Variants in DOCK4 observed in about 807,000 individuals in gnomAD.
The protein encoded by DOCK4 is dedicator of cytokinesis protein 4.
DOCK4 carries 97 observed loss-of-function variants against 268.1 expected under a neutral mutation model. That is an observed-to-expected ratio of 0.36 (90% CI 0.31 to 0.43). DOCK4 has a LOEUF of 0.43. Ranked by LOEUF, DOCK4 falls within the 20% of genes least tolerant of loss-of-function variation. The probability of loss-of-function intolerance (pLI) is 1.00; values close to 1 mark genes in which losing one functional copy is unlikely to be tolerated. For missense variants in DOCK4, 2,145 were observed against 2,455.7 expected (o/e 0.87, Z 2.67); for synonymous variants, 954 against 887.2 (o/e 1.08, Z -1.34).
intron 16 of DOCK4, among the ~76,000 whole-genome samples, chr7:111,886,669 G>C (rs929973271): frequency 6.6e-6 from 1 of 152,128 alleles, no homozygotes; most frequent in Admixed American, 6.5e-5. Context: ...AAAAACACAC[G>C]TATGAGACTA....
intron 1 of DOCK4, among the ~76,000 whole-genome samples, chr7:112,110,874 T>TC (rs759604884): frequency 5.9e-5 from 9 of 152,106 alleles, no homozygotes; most frequent in Non-Finnish European, 1.0e-4. Flanking sequence ...GCAACTCCGC[T>TC]CCCCACGGAA....
chr7:112,184,642 C>T (rs971397421), intron 1 of DOCK4, among the ~76,000 whole-genome samples: 1 of 152,004 alleles, frequency 6.6e-6, no homozygotes, highest in African/African-American at 2.4e-5. Context: ...GCTGGTGACT[C>T]CTTCCTGACA....
At chr7:112,175,689 GAATA>G (rs1818450515) in intron 1 of DOCK4, among the ~76,000 whole-genome samples, 1 of 151,772 alleles carries the variant, frequency 6.6e-6, no homozygotes, top group Non-Finnish European at 1.5e-5. Context: ...ATGATTATAA[GAATA>G]AAAATGTTTT....
chr7:111,814,128 C>T (rs189816955), intron 27 of DOCK4, among the ~76,000 whole-genome samples: 11 of 152,264 alleles, frequency 7.2e-5, no homozygotes, highest in African/African-American at 1.9e-4. Flanking sequence ...TAGACTATCA[C>T]GCCAAATGTC....
intron 51 of DOCK4, among the ~76,000 whole-genome samples, 152 bp downstream of exon 51, chr7:111,734,902 G>A (rs978354902): frequency 6.6e-6 from 1 of 152,210 alleles, no homozygotes; most frequent in Non-Finnish European, 1.5e-5. Context: ...GTTCAGGAAA[G>A]AGGGAGACAA....
chr7:112,022,543 G>A (rs887177065), intron 1 of DOCK4, among the ~76,000 whole-genome samples: 4 of 152,146 alleles, frequency 2.6e-5, no homozygotes, highest in Non-Finnish European at 5.9e-5. Context: ...TATTAACGAC[G>A]TGAGCCCAGC....
At chr7:111,961,626 T>G (rs17452718) in intron 8 of DOCK4, among the ~76,000 whole-genome samples, 18,518 of 152,250 alleles carry the variant, frequency 0.12, 1,185 homozygotes, top group Middle Eastern at 0.18. Context: ...TTATTAATCT[T>G]CTAAAAGCTG....
chr7:112,066,591 CAT>C (rs1160066064), intron 1 of DOCK4, among the ~76,000 whole-genome samples: 1 of 127,226 alleles, frequency 7.9e-6, no homozygotes, highest in Non-Finnish European at 1.5e-5. Context: ...TATATATACA[CAT>C]ATACATATAT....
intron 1 of DOCK4, among the ~76,000 whole-genome samples, chr7:112,197,370 G>A (rs576310660): frequency 4.0e-5 from 6 of 150,898 alleles, no homozygotes; most frequent in African/African-American, 7.3e-5. Context: ...AGATGGGTGC[G>A]TGTTCTTAAA....
At chr7:111,740,760 A>AAAAAAAAAAAT in intron 47 of DOCK4, among the ~76,000 whole-genome samples, 1 of 137,958 alleles carries the variant, frequency 7.2e-6, no homozygotes. Flanking sequence ...AAAAAAAAAA[A>AAAAAAAAAAAT]GGCAAGCTAA....
At chr7:111,904,844 T>C (rs1242157140) in intron 13 of DOCK4, among the ~76,000 whole-genome samples, 2 of 152,174 alleles carry the variant, frequency 1.3e-5, no homozygotes, top group Non-Finnish European at 2.9e-5. Flanking sequence ...TTTGTTATAT[T>C]ATGCTGTTTC....
intron 23 of DOCK4, among the ~76,000 whole-genome samples, chr7:111,858,124 C>G (rs1424050065): frequency 6.6e-6 from 1 of 152,136 alleles, no homozygotes; most frequent in East Asian, 1.9e-4. Flanking sequence ...GCCCAGAGAC[C>G]CTTAATGCAA....
At chr7:111,792,619 G>A (rs1431638662) in intron 30 of DOCK4, among the ~76,000 whole-genome samples, 4 of 152,270 alleles carry the variant, frequency 2.6e-5, no homozygotes, top group Admixed American at 1.3e-4. Flanking sequence ...CTGACCTCAG[G>A]TGATCCACCC....
At chr7:112,128,695 T>C (rs539636704) in intron 1 of DOCK4, among the ~76,000 whole-genome samples, 2,446 of 152,226 alleles carry the variant, frequency 0.016, 25 homozygotes, top group Non-Finnish European at 0.023. Context: ...ATGTGCTTTG[T>C]TAAACAGATG....
chr7:111,746,480 G>T (rs1796275274), intron 43 of DOCK4, 63 bp from the exon 44 acceptor site: 1 of 1,333,934 alleles, frequency 7.5e-7, no homozygotes, highest in Non-Finnish European at 1.1e-6. Flanking sequence ...AAGACAAGTT[G>T]TTTTTAAAGA....
At chr7:112,149,778 A>T (rs1340325901) in intron 1 of DOCK4, among the ~76,000 whole-genome samples, 3 of 152,240 alleles carry the variant, frequency 2.0e-5, no homozygotes, top group Non-Finnish European at 4.4e-5. Flanking sequence ...ATGAGCTTCC[A>T]GGCCAAAGCA....
chr7:111,796,787 A>G (rs1381129535), intron 30 of DOCK4, among the ~76,000 whole-genome samples: 1 of 152,188 alleles, frequency 6.6e-6, no homozygotes, highest in Non-Finnish European at 1.5e-5. Context: ...GGCAAATCAC[A>G]AATTTAGGAA....
chr7:112,150,254 A>C (rs1815931339), intron 1 of DOCK4, among the ~76,000 whole-genome samples: 1 of 152,134 alleles, frequency 6.6e-6, no homozygotes, highest in South Asian at 2.1e-4. Context: ...ACGCAACTGC[A>C]CTGGTAAATG....
At chr7:112,196,656 G>A (rs529796359) in intron 1 of DOCK4, among the ~76,000 whole-genome samples, 78 of 152,262 alleles carry the variant, frequency 5.1e-4, no homozygotes, top group African/African-American at 1.9e-3. Flanking sequence ...AGTGGGGAAG[G>A]GGCAATGGGT....
Sources: gnomAD v4.1 joint callset for allele counts (sites outside exome capture counted in the v4.1 genomes callset) on GRCh38, gnomAD v4.1.1 for gene constraint, MANE v1.5 for transcripts, NCBI Gene and HGNC (gene_info 2026-07-23, HGNC 2026-07-21) for gene names.